The following PHF20 variants were observed in gnomAD, a reference collection of about 807,000 sequenced individuals.
PHF20 encodes PHD finger protein 20, also known as glioma-expressed antigen 2.
PHF20 carries 23 observed loss-of-function variants against 113.5 expected under a neutral mutation model. The observed-to-expected ratio is 0.20, with a 90% CI of 0.15 to 0.29. The LOEUF is 0.29. Ranked by LOEUF, PHF20 falls within the 10% of genes least tolerant of loss-of-function variation. The pLI is 1.00. For missense variants in PHF20, 943 were observed against 1,219.6 expected, an observed-to-expected ratio of 0.77 and a Z score of 3.38; for synonymous variants, 434 against 457.3, an observed-to-expected ratio of 0.95 and a Z score of 0.65.
chr20:35,859,403 A>T (rs1016665124), intron 5 of PHF20, among the ~76,000 whole-genome samples: 1 of 152,132 alleles, frequency 6.6e-6, no homozygotes, highest in African/African-American at 2.4e-5. Context: ...GATTATTACT[A>T]ATTTCAGCTG....
intron 15 of PHF20, among the ~76,000 whole-genome samples, chr20:35,935,363 C>T (rs2147121494): frequency 6.6e-6 from 1 of 152,102 alleles, no homozygotes; most frequent in Middle Eastern, 3.4e-3. Context: ...GAAGCCTTGC[C>T]CTTTCTTTTT....
intron 2 of PHF20, among the ~76,000 whole-genome samples, chr20:35,808,266 C>T (rs888824738): frequency 4.6e-5 from 7 of 151,926 alleles, no homozygotes; most frequent in East Asian, 1.9e-4. Context: ...CTTTCCTTCC[C>T]GTTTTCCCTT....
chr20:35,774,046 A>G (rs2041120724), intron 1 of PHF20, among the ~76,000 whole-genome samples: 1 of 151,138 alleles, frequency 6.6e-6, no homozygotes, highest in South Asian at 2.1e-4. Context: ...TCGGTGGGGA[A>G]ATGGATATTT....
intron 10 of PHF20, among the ~76,000 whole-genome samples, chr20:35,905,716 G>A (rs2055190382): frequency 6.6e-6 from 1 of 152,198 alleles, no homozygotes; most frequent in Non-Finnish European, 1.5e-5. Context: ...AGGCTAGATA[G>A]GAATTGGACC....
intron 13 of PHF20, among the ~76,000 whole-genome samples, chr20:35,923,359 G>T (rs2055556603): frequency 6.6e-6 from 1 of 152,124 alleles, no homozygotes; most frequent in Non-Finnish European, 1.5e-5. Flanking sequence ...CTAGCACTTT[G>T]GAAGGCTGAA....
At chr20:35,939,687 G>GTTT (rs1163728994) in intron 16 of PHF20, among the ~76,000 whole-genome samples, 5 of 152,154 alleles carry the variant, frequency 3.3e-5, no homozygotes, top group Non-Finnish European at 5.9e-5. Flanking sequence ...CGTTGCCGGT[G>GTTT]TTTTCATCTC....
At chr20:35,777,076 A>G (rs538909655) in intron 1 of PHF20, among the ~76,000 whole-genome samples, 107 of 152,192 alleles carry the variant, frequency 7.0e-4, no homozygotes, top group African/African-American at 2.4e-3. Context: ...TCTTGCTTCC[A>G]TGTCTTCTTC....
At chr20:35,864,451 CA>C (rs34395693) in intron 6 of PHF20, among the ~76,000 whole-genome samples, 1 of 147,988 alleles carries the variant, frequency 6.8e-6, no homozygotes, top group Non-Finnish European at 1.5e-5. Flanking sequence ...CACACACACA[CA>C]AATATTTTCA....
At chr20:35,782,273 C>CTTTTTTTTTTTTTTTTTTTTTTT (rs2041316276) in intron 1 of PHF20, 1 of 122,016 alleles carries the variant, frequency 8.2e-6, no homozygotes. Context: ...TTTTTTTTTT[C>CTTTTTTTTTTTTTTTTTTTTTTT]TTTTTTTCTT....
At chr20:35,776,525 A>T (rs73093200) in intron 1 of PHF20, among the ~76,000 whole-genome samples, 6,291 of 152,174 alleles carry the variant, frequency 0.041, 186 homozygotes, top group Non-Finnish European at 0.06. Context: ...TTTTCAAAAA[A>T]TTTTTTTGGA....
At chr20:35,826,682 GGA>G (rs2042268113) in intron 2 of PHF20, among the ~76,000 whole-genome samples, 1 of 152,188 alleles carries the variant, frequency 6.6e-6, no homozygotes, top group Non-Finnish European at 1.5e-5. Context: ...AATTTAAGCA[GGA>G]GAGAGACATG....
At chr20:35,823,681 T>C (rs376007599) in intron 2 of PHF20, among the ~76,000 whole-genome samples, 1 of 137,826 alleles carries the variant, frequency 7.3e-6, no homozygotes, top group Non-Finnish European at 1.6e-5. Context: ...AAAAAAGATA[T>C]AAAGCACTTC....
At chr20:35,810,359 T>C (rs959580003) in intron 2 of PHF20, among the ~76,000 whole-genome samples, 1 of 152,180 alleles carries the variant, frequency 6.6e-6, no homozygotes, top group African/African-American at 2.4e-5. Context: ...CTGTTTTACA[T>C]GTATTTACTC....
chr20:35,859,637 C>G (rs2054180129), intron 5 of PHF20, among the ~76,000 whole-genome samples: 1 of 151,778 alleles, frequency 6.6e-6, no homozygotes, highest in African/African-American at 2.4e-5. Flanking sequence ...TTCCCCGCCT[C>G]CCCAGTTCAA....
intron 15 of PHF20, among the ~76,000 whole-genome samples, chr20:35,937,030 A>G (rs1439466356): frequency 2.0e-5 from 3 of 152,232 alleles, no homozygotes; most frequent in Admixed American, 2.0e-4. Context: ...ATCAATACAT[A>G]TAAGAAGTAC....
chr20:35,939,225 T>G (rs1600971950), intron 16 of PHF20, 117 bp downstream of exon 16: 2 of 1,204,940 alleles, frequency 1.7e-6, no homozygotes, highest in East Asian at 2.7e-5. Flanking sequence ...TAAATTTGCT[T>G]ACCATAGATA....
chr20:35,801,794 C>G, intron 2 of PHF20, 189 bp downstream of exon 2: 1 of 486,616 alleles, frequency 2.1e-6, no homozygotes, highest in Non-Finnish European at 3.7e-6. Context: ...CTGTAACCCC[C>G]TGTATATATT....
At chr20:35,853,052 T>A (rs1236571152) in intron 4 of PHF20, among the ~76,000 whole-genome samples, 3 of 149,278 alleles carry the variant, frequency 2.0e-5, no homozygotes, top group East Asian at 4.0e-4. Context: ...GTGAAACCCG[T>A]CTCTACTAAA....
chr20:35,815,532 C>T (rs2042057695), intron 2 of PHF20, among the ~76,000 whole-genome samples: 1 of 152,016 alleles, frequency 6.6e-6, no homozygotes, highest in African/African-American at 2.4e-5. Context: ...CGCGAGTGAT[C>T]TCAGCTCACT....
Sources: gnomAD v4.1 joint callset for allele counts (sites outside exome capture counted in the v4.1 genomes callset) on GRCh38, gnomAD v4.1.1 for gene constraint, MANE v1.5 for transcripts, NCBI Gene and HGNC (gene_info 2026-07-23, HGNC 2026-07-21) for gene names.